TBC1D8: variants seen among roughly 807,000 people sequenced by gnomAD.
TBC1D8 encodes the protein TBC1 domain family member 8, also known as BUB2-like protein 1.
A neutral mutation model predicts 118.8 loss-of-function variants in TBC1D8; 65 were observed. That is an observed-to-expected ratio of 0.55 (90% CI 0.45 to 0.67). The LOEUF (loss-of-function observed/expected upper bound fraction) is 0.67, where lower values mean the gene tolerates loss of function less well. Ranked by LOEUF, TBC1D8 falls within the 30% of genes least tolerant of loss-of-function variation. The pLI, the probability that TBC1D8 is intolerant of heterozygous loss-of-function variation, is 0.00. For synonymous variants in TBC1D8, 566 were observed against 595.8 expected, an observed-to-expected ratio of 0.95 and a Z score of 0.73; for missense variants, 1,376 against 1,471.2, an observed-to-expected ratio of 0.94 and a Z score of 1.06.
Position 101,024,203 on chromosome 2 carries a change from G to T in TBC1D8, c.2521-1682C>A, listed in dbSNP as rs1005078478. Among the ~76,000 whole-genome samples the T allele has an allele frequency of 7.2e-5, 11 of 152,286 alleles. No homozygotes were observed. The East Asian group carries it at 1.2e-3, about 16-fold the overall frequency. On this transcript the variant is annotated intron_variant, in intron 15 of 19. Coordinates refer to ENST00000409318, the MANE Select transcript of TBC1D8 (RefSeq NM_001330348.2). ...AAAAATAGGCAAAGGATATGAACAG[G>T]TGATTCAAAAGAGTAGAGAACTAGC...
chr2:101,040,734 T>C (rs1393829936), intron 5 of TBC1D8, among the ~76,000 whole-genome samples: 2 of 152,116 alleles, frequency 1.3e-5, no homozygotes, highest in African/African-American at 4.8e-5. Flanking sequence ...CCTCCCAAAA[T>C]GCTGGGATTA....
At chr2:101,071,426 T>A (rs1312475457) in intron 2 of TBC1D8, among the ~76,000 whole-genome samples, 4 of 152,176 alleles carry the variant, frequency 2.6e-5, no homozygotes, top group African/African-American at 9.7e-5. Context: ...TTGGGCCCTG[T>A]GGGGAGGCTA....
chr2:101,054,650 A>G, intron 3 of TBC1D8, among the ~76,000 whole-genome samples: 1 of 59,472 alleles, frequency 1.7e-5, no homozygotes, highest in Non-Finnish European at 3.7e-5. Flanking sequence ...TTCTCAAACA[A>G]ACAATCATTT....
At chr2:101,115,795 T>A (rs913820623) in intron 1 of TBC1D8, among the ~76,000 whole-genome samples, 13 of 151,658 alleles carry the variant, frequency 8.6e-5, no homozygotes, top group Non-Finnish European at 1.5e-4. Flanking sequence ...CAGTACACAG[T>A]ACTTGTTTGC....
intron 2 of TBC1D8, among the ~76,000 whole-genome samples, chr2:101,074,565 C>A (rs971423333): frequency 2.0e-5 from 3 of 152,158 alleles, no homozygotes; most frequent in Non-Finnish European, 4.4e-5. Flanking sequence ...AGGAGGTACA[C>A]CTGTAGTTAA....
At chr2:101,104,283 T>G (rs1214159130) in intron 1 of TBC1D8, among the ~76,000 whole-genome samples, 1 of 152,182 alleles carries the variant, frequency 6.6e-6, no homozygotes, top group Non-Finnish European at 1.5e-5. Flanking sequence ...AAGATGTAAT[T>G]CCTCCCAATT....
chr2:101,151,243 T>G lies in TBC1D8; in HGVS notation c.11A>C (p.Lys4Thr). Residue 4 changes from lysine (K) to threonine (T), a missense_variant, in exon 1 of 20, where the codon AAG becomes ACG. Physicochemically the swap from Lys to Thr is moderately conservative, Grantham distance 78 (BLOSUM62 -1). Transcript: ENST00000409318. Reference sequence around the variant, plus strand: ...GTTCTTCAGCAGCACCTCCTCGGGCTTGAGCCACATCGCGGCGGTCCGGCC... The same window carrying G: ...GTTCTTCAGCAGCACCTCCTCGGGCGTGAGCCACATCGCGGCGGTCCGGCC... MWLKPEEVLLKNAL... is the reference protein window; with the variant it reads MWLTPEEVLLKNAL... 1.7e-6 allele frequency: 2 copies of G among 1,194,408 alleles called. No individual in the cohort carries two copies. Among genetic ancestry groups the G allele is most frequent in the Non-Finnish European group, 2.1e-6 (2 of 942,900 alleles). The allele number at this position is 1,194,408 out of a possible 1,614,324, so 74.0% of individuals were successfully genotyped here.
intron 5 of TBC1D8, among the ~76,000 whole-genome samples, chr2:101,043,755 C>G (rs1681529046): frequency 6.6e-6 from 1 of 152,050 alleles, no homozygotes. Context: ...GCCTGGCCAA[C>G]ATGGTGAAAC....
At chr2:101,035,091 A>G (rs529792713) in intron 9 of TBC1D8, among the ~76,000 whole-genome samples, 1 of 152,282 alleles carries the variant, frequency 6.6e-6, no homozygotes, top group Non-Finnish European at 1.5e-5. Context: ...AGAGGCTGAT[A>G]GTGAAGTAGG....
chr2:101,027,674 C>A (rs890894637), intron 14 of TBC1D8, among the ~76,000 whole-genome samples: 2 of 152,218 alleles, frequency 1.3e-5, no homozygotes, highest in African/African-American at 4.8e-5. Context: ...TAAGGACAAA[C>A]CTACCGAGCT....
intron 1 of TBC1D8, among the ~76,000 whole-genome samples, 173 bp from the exon 2 acceptor site, chr2:101,090,537 T>C (rs573061866): frequency 1.3e-5 from 2 of 152,374 alleles, no homozygotes; most frequent in African/African-American, 4.8e-5. Context: ...CCAAGGGCTC[T>C]GTCTGCATCC....
At chr2:101,109,176 T>C (rs1286456592) in intron 1 of TBC1D8, among the ~76,000 whole-genome samples, 1 of 150,298 alleles carries the variant, frequency 6.7e-6, no homozygotes, top group Non-Finnish European at 1.5e-5. Context: ...AACCAGGGGG[T>C]AAACTAGAGC....
intron 1 of TBC1D8, among the ~76,000 whole-genome samples, chr2:101,097,751 C>A (rs1676565038): frequency 6.6e-6 from 1 of 151,982 alleles, no homozygotes; most frequent in South Asian, 2.1e-4. Flanking sequence ...ACCTGCAGTC[C>A]CAGCTACTTA....
rs540878652 is a variant in TBC1D8, at chr2:101,007,714, C to G, written c.*107G>C. The G allele has an allele frequency of 8.7e-7, 1 of 1,152,018 alleles. No individual in the cohort carries two copies. The highest frequency in any genetic ancestry group is 1.5e-5 in the African/African-American group (1 of 64,758). The allele number at this position is 1,152,018 out of a possible 1,614,324, so 71.4% of individuals were successfully genotyped here. A position where few individuals can be genotyped will look rare whatever the true frequency, so the allele number is the denominator to read the frequency against. On this transcript the variant is annotated 3_prime_UTR_variant, in exon 20 of 20. Transcript: ENST00000409318. The stretch of plus-strand genomic sequence containing the variant: ...TTGTCAGGTTGTTTAGCCAGATGCC[C>G]CATTGGTAAGGTAGACTGAAATCTC...
In TBC1D8 at chr2:101,052,697, C is replaced by G. The variant is rs1682152132; in HGVS notation, c.631+1411G>C. Among the ~76,000 whole-genome samples, 5 of 152,018 alleles carry G rather than the reference C, an allele frequency of 3.3e-5. No homozygotes were observed. The South Asian group carries it at 8.3e-4, about 25-fold the overall frequency. On this transcript the variant is annotated intron_variant, in intron 4 of 19. Coordinates refer to ENST00000409318, the MANE Select transcript of TBC1D8 (RefSeq NM_001330348.2). Reference sequence around the variant, plus strand: ...TCCACTGTGCCTGACCTATTTTTTCCAAATCTTATCCTCCTAACACAATAA... The same window carrying G: ...TCCACTGTGCCTGACCTATTTTTTCGAAATCTTATCCTCCTAACACAATAA...
intron 1 of TBC1D8, among the ~76,000 whole-genome samples, chr2:101,118,207 G>A (rs1558717656): frequency 1.3e-5 from 2 of 152,260 alleles, no homozygotes; most frequent in East Asian, 1.9e-4. Context: ...GGGCCAGGTT[G>A]GGGCCTGGCT....
At chr2:101,021,213 T>C (rs549880729) in intron 17 of TBC1D8, among the ~76,000 whole-genome samples, 2 of 152,314 alleles carry the variant, frequency 1.3e-5, no homozygotes, top group South Asian at 4.1e-4. Context: ...TTCCCGTCAA[T>C]GTCAAGTCTG....
chr2:101,040,239 C>T lies in TBC1D8; in HGVS notation c.1019G>A (p.Ser340Asn). 6.2e-7 allele frequency: 1 copy of T among 1,614,032 alleles called. No homozygotes were observed. The highest frequency in any genetic ancestry group is 8.5e-7 in the Non-Finnish European group (1 of 1,179,904). ...TTCTCTGCTGGCAAAGCAGATGTAG[C>T]TGTCAGAGGCGAACATCCGCCCCGT... Reference protein sequence around the residue: ...HTTGRMFASDSYICFASREDG... With the variant: ...HTTGRMFASDNYICFASREDG... The change falls in exon 6 of 20, where the codon AGC becomes AAC. Residue 340 changes from serine to asparagine, a missense_variant. By Grantham distance (46) the Ser-to-Asn change is conservative. Transcript: ENST00000409318.
At chr2:101,100,553 A>T (rs981868854) in intron 1 of TBC1D8, among the ~76,000 whole-genome samples, 1 of 152,206 alleles carries the variant, frequency 6.6e-6, no homozygotes, top group African/African-American at 2.4e-5. Flanking sequence ...CCATATAGCC[A>T]AGACAATCCT....
Sources: gnomAD v4.1 joint callset for allele counts (sites outside exome capture counted in the v4.1 genomes callset) on GRCh38, gnomAD v4.1.1 for gene constraint, MANE v1.5 for transcripts, NCBI Gene and HGNC (gene_info 2026-07-23, HGNC 2026-07-21) for gene names.